TMEM108: variants seen among roughly 807,000 people sequenced by gnomAD.
TMEM108 encodes transmembrane protein 108, also known as cancer/testis antigen 124.
A neutral mutation model predicts 35.1 loss-of-function variants in TMEM108; 12 were observed. The ratio of observed to expected loss-of-function variants is 0.34; its 90% CI spans 0.22 to 0.55. The LOEUF (loss-of-function observed/expected upper bound fraction) is 0.55. Among genes scored for constraint, TMEM108 ranks in the 20% least tolerant of loss-of-function variants. The pLI is 0.89. For synonymous variants in TMEM108, 287 were observed against 308.6 expected, an observed-to-expected ratio of 0.93 and a Z score of 0.73; for missense variants, 680 against 753.3, an observed-to-expected ratio of 0.90 and a Z score of 1.14.
intron 3 of TMEM108, among the ~76,000 whole-genome samples, chr3:133,281,385 C>T (rs1576430177): frequency 1.3e-5 from 2 of 152,158 alleles, no homozygotes; most frequent in Admixed American, 6.5e-5. Context: ...TATGTGGTTT[C>T]ACCAAAAAAC....
chr3:133,396,365 G>A lies in TMEM108; in HGVS notation c.*379G>A, dbSNP rs887015778. ...TTCTTTGAGTGATTCTTAAAGCTCT[G>A]GTTCCTCTTGATTTGGTGTGACCCC... On this transcript the variant is annotated 3_prime_UTR_variant, in exon 6 of 6. Coordinates refer to ENST00000321871, the MANE Select transcript of TMEM108 (RefSeq NM_023943.4). 5.3e-4 allele frequency: 81 copies of A among 153,560 alleles called. No individual in the cohort carries two copies. Among genetic ancestry groups the A allele is most frequent in the Admixed American group, 3.5e-3 (54 of 15,302 alleles). The allele number at this position is 153,560 out of a possible 1,614,324, so 9.5% of individuals were successfully genotyped here. A position where few individuals can be genotyped will look rare whatever the true frequency, so the allele number is the denominator to read the frequency against.
intron 2 of TMEM108, among the ~76,000 whole-genome samples, chr3:133,093,297 A>G (rs888725744): frequency 6.6e-6 from 1 of 152,148 alleles, no homozygotes; most frequent in Admixed American, 6.5e-5. Flanking sequence ...GGTCATAGGT[A>G]AGGATTTGAA....
chr3:133,302,622 G>A (rs112603418), intron 3 of TMEM108, among the ~76,000 whole-genome samples: 14 of 151,774 alleles, frequency 9.2e-5, no homozygotes, highest in African/African-American at 2.2e-4. Flanking sequence ...GGGTTTCACC[G>A]TGTGAGCCAG....
intron 2 of TMEM108, among the ~76,000 whole-genome samples, chr3:133,168,040 GT>G (rs1945070638): frequency 6.6e-6 from 1 of 152,148 alleles, no homozygotes; most frequent in African/African-American, 2.4e-5. Flanking sequence ...CAGAGAGTCT[GT>G]TTTGTCAGTC....
intron 2 of TMEM108, among the ~76,000 whole-genome samples, chr3:133,142,589 C>A (rs1190600416): frequency 6.6e-6 from 1 of 152,154 alleles, no homozygotes; most frequent in Non-Finnish European, 1.5e-5. Flanking sequence ...TCCCTGCTCC[C>A]TAAAACATCA....
At chr3:133,345,634 A>G (rs762439652) in intron 3 of TMEM108, among the ~76,000 whole-genome samples, 3 of 151,956 alleles carry the variant, frequency 2.0e-5, no homozygotes, top group African/African-American at 7.2e-5. Context: ...TTTTCCTGAA[A>G]GATCCTAACC....
At chr3:133,132,238 G>A (rs1212177602) in intron 2 of TMEM108, among the ~76,000 whole-genome samples, 1 of 152,176 alleles carries the variant, frequency 6.6e-6, no homozygotes, top group Non-Finnish European at 1.5e-5. Context: ...GCTTCTGTTG[G>A]AAGAAGATGA....
chr3:133,130,694 T>C (rs982271621), intron 2 of TMEM108, among the ~76,000 whole-genome samples: 2 of 152,166 alleles, frequency 1.3e-5, no homozygotes, highest in African/African-American at 2.4e-5. Flanking sequence ...CATCTCTTGA[T>C]AGGGAAGTGA....
intron 2 of TMEM108, among the ~76,000 whole-genome samples, chr3:133,173,502 G>A (rs113340696): frequency 3.3e-5 from 5 of 152,186 alleles, no homozygotes; most frequent in African/African-American, 1.2e-4. Context: ...ATGGAAAAAA[G>A]AAAATTAAAT....
At chr3:133,057,479 A>ATATATATATATATATC (rs1559818494) in intron 2 of TMEM108, among the ~76,000 whole-genome samples, 4 of 73,152 alleles carry the variant, frequency 5.5e-5, no homozygotes, top group African/African-American at 2.0e-4. Flanking sequence ...ATATATATAT[A>ATATATATATATATATC]TATATATGTG....
intron 2 of TMEM108, among the ~76,000 whole-genome samples, chr3:133,156,529 A>C (rs371048151): frequency 1.9e-4 from 29 of 152,214 alleles, no homozygotes; most frequent in African/African-American, 6.8e-4. Context: ...TATGTGATTT[A>C]AGCAAGTCAC....
At position 133,397,587 on chromosome 3, in the gene TMEM108, C is replaced by T. The variant is rs1484748696; in HGVS notation, c.*1601C>T. 6.6e-6 allele frequency: 1 copy of T among 152,080 alleles called. No individual in the cohort carries two copies. Among genetic ancestry groups the T allele is most frequent in the Admixed American group, 6.5e-5 (1 of 15,268 alleles). 9.4% of individuals were successfully genotyped at this position (152,080 alleles called of 1,614,324 possible). On this transcript the variant is annotated 3_prime_UTR_variant, in exon 6 of 6. Coordinates refer to ENST00000321871, the MANE Select transcript of TMEM108 (RefSeq NM_023943.4). ...ACCATAATATTTCTGTTAACTGTTA[C>T]ATTTAATATACCAATGTGTGTAAGT...
intron 3 of TMEM108, among the ~76,000 whole-genome samples, chr3:133,349,110 C>T (rs2071912398): frequency 6.6e-6 from 1 of 151,982 alleles, no homozygotes; most frequent in Non-Finnish European, 1.5e-5. Flanking sequence ...TACAGGTGAG[C>T]AATAAACTTC....
At chr3:133,071,713 G>A (rs1943678174) in intron 2 of TMEM108, among the ~76,000 whole-genome samples, 1 of 152,134 alleles carries the variant, frequency 6.6e-6, no homozygotes, top group South Asian at 2.1e-4. Context: ...AGTTGTGGGA[G>A]TTCTTTCTGT....
intron 2 of TMEM108, among the ~76,000 whole-genome samples, chr3:133,188,907 A>G (rs1269785268): frequency 6.6e-6 from 1 of 152,104 alleles, no homozygotes; most frequent in African/African-American, 2.4e-5. Context: ...TGAAATCAGC[A>G]TTTCTCTGCT....
intron 3 of TMEM108, among the ~76,000 whole-genome samples, chr3:133,312,209 G>A (rs191055832): frequency 1.5e-3 from 230 of 152,302 alleles, no homozygotes; most frequent in African/African-American, 5.0e-3. Context: ...TTGAGGAGGC[G>A]GTCTGTCCAT....
intron 2 of TMEM108, among the ~76,000 whole-genome samples, chr3:133,097,986 A>G (rs11915710): frequency 0.25 from 37,834 of 152,138 alleles, 4,927 homozygotes; most frequent in Admixed American, 0.34. Context: ...GTGAGGCGGT[A>G]TTACAAAAAT....
At chr3:133,384,323 C>CTCTGCTCCTGGTAGA (rs2073089636) in intron 4 of TMEM108, among the ~76,000 whole-genome samples, 1 of 148,894 alleles carries the variant, frequency 6.7e-6, no homozygotes, top group African/African-American at 2.5e-5. Flanking sequence ...CTGAAGCCAC[C>CTCTGCTCCTGGTAGA]AGAGTCAGAA....
At chr3:133,352,139 A>G (rs528682445) in intron 3 of TMEM108, among the ~76,000 whole-genome samples, 1 of 152,334 alleles carries the variant, frequency 6.6e-6, no homozygotes, top group South Asian at 2.1e-4. Flanking sequence ...GCTAACAGGC[A>G]TGGTAACTAA....
Sources: gnomAD v4.1 joint callset for allele counts (sites outside exome capture counted in the v4.1 genomes callset) on GRCh38, gnomAD v4.1.1 for gene constraint, MANE v1.5 for transcripts, NCBI Gene and HGNC (gene_info 2026-07-23, HGNC 2026-07-21) for gene names.